Variants in SCUBE1 observed in about 807,000 individuals in gnomAD.
SCUBE1 encodes the protein signal peptide, CUB domain and EGF like domain containing 1.
A neutral mutation model predicts 124.4 loss-of-function variants in SCUBE1; 59 were observed. The observed-to-expected ratio is 0.47, with a 90% CI of 0.38 to 0.59. The LOEUF is 0.59. Ranked by LOEUF, SCUBE1 falls within the 20% of genes least tolerant of loss-of-function variation. The pLI is 0.00. For synonymous variants in SCUBE1, 545 were observed against 550.9 expected (o/e 0.99, Z 0.15); for missense variants, 1,150 against 1,371.2 (o/e 0.84, Z 2.55).
rs115678308 is a variant in SCUBE1, at chr22:43,310,217, C to T, written c.349+9720G>A. On this transcript the variant is annotated intron_variant, in intron 3 of 21. Transcript: ENST00000360835. ...CCCAAACTCCTAACAGTTCCTACCA[C>T]ACTTGTCCCCCTTCTGCTTGGACAG... Among the ~76,000 whole-genome samples the T allele has an allele frequency of 4.3e-3, 648 of 152,184 alleles. 3 individuals are homozygous for T. The highest frequency in any genetic ancestry group is 0.015 in the African/African-American group (611 of 41,520).
At position 43,222,778 on chromosome 22, in the gene SCUBE1, C is replaced by T. The variant is rs887581743; in HGVS notation, c.1328-36G>A. The T allele has an allele frequency of 4.7e-6, 7 of 1,485,068 alleles. No individual in the cohort carries two copies. The Admixed American group carries it at 5.6e-5, about 12-fold the overall frequency. The allele number at this position is 1,485,068 out of a possible 1,614,324, so 92.0% of individuals were successfully genotyped here. On this transcript the variant is annotated intron_variant, in intron 11 of 21. Transcript: ENST00000360835. ...GCCGGTGGGTGAGGTGGGCCTGGTG[C>T]TCCTCCCTCCCACGGCCCTCAGATT...
intron 14 of SCUBE1, 28 bp from the exon 15 acceptor site, chr22:43,218,486 A>T: frequency 1.4e-5 from 23 of 1,600,458 alleles, no homozygotes; most frequent in Non-Finnish European, 2.0e-5. Context: ...ACAGAACATG[A>T]ATCGCTGGCA....
rs988015079 is a variant in SCUBE1, at chr22:43,199,263, A to C, written c.*4734T>G. ...GGCACCGGAATAATATTCAACTCCA[A>C]AAATGTAAATTAAGCATCGGTATGG... On this transcript the variant is annotated 3_prime_UTR_variant, in exon 22 of 22. Coordinates refer to ENST00000360835, the MANE Select transcript of SCUBE1 (RefSeq NM_173050.5). The C allele has an allele frequency of 1.1e-5, 2 of 176,232 alleles. No homozygotes were observed. The highest frequency in any genetic ancestry group is 1.5e-4 in the East Asian group (1 of 6,462). 10.9% of individuals were successfully genotyped at this position (176,232 alleles called of 1,614,324 possible).
intron 6 of SCUBE1, among the ~76,000 whole-genome samples, chr22:43,246,040 G>A (rs1409582206): frequency 6.6e-6 from 1 of 152,148 alleles, no homozygotes; most frequent in Non-Finnish European, 1.5e-5. Context: ...GTGGCACCAG[G>A]TGTATGGAAG....
Position 43,220,710 on chromosome 22 carries a change from T to C in SCUBE1, c.1550-123A>G, listed in dbSNP as rs2146667701. On this transcript the variant is annotated intron_variant, in intron 13 of 21. Transcript: ENST00000360835. ...TGGTCCGTGGTGCAGACGGAAAAAC[T>C]CAGGCTAGAGAAGGTCAGGGCTGGC... 3 of 1,296,642 alleles carry C rather than the reference T, an allele frequency of 2.3e-6. No homozygotes were observed. The East Asian group carries it at 7.5e-5, about 32-fold the overall frequency. The allele number at this position is 1,296,642 out of a possible 1,614,324, so 80.3% of individuals were successfully genotyped here. A position where few individuals can be genotyped will look rare whatever the true frequency, so the allele number is the denominator to read the frequency against.
At chr22:43,242,026 G>A (rs567262682) in intron 6 of SCUBE1, among the ~76,000 whole-genome samples, 1 of 152,358 alleles carries the variant, frequency 6.6e-6, no homozygotes, top group East Asian at 1.9e-4. Context: ...CATTTATGCG[G>A]TGCCCACCTC....
At chr22:43,296,593 G>A (rs1401632134) in intron 3 of SCUBE1, among the ~76,000 whole-genome samples, 1 of 152,226 alleles carries the variant, frequency 6.6e-6, no homozygotes. Context: ...GAGAGAGACG[G>A]GGGAGGTAGA....
At position 43,283,445 on chromosome 22, in the gene SCUBE1, G is replaced by A. The variant is rs868770396; in HGVS notation, c.484+7601C>T. On this transcript the variant is annotated intron_variant, in intron 4 of 21. Coordinates refer to ENST00000360835, the MANE Select transcript of SCUBE1 (RefSeq NM_173050.5). ...AATATTAGTATCCATCTGAGGGTTC[G>A]AGGGGTCAAATGAAGCAGTATTAGG... 2.6e-5 allele frequency: 4 copies of A among 152,304 alleles called. No homozygotes were observed. The South Asian group carries it at 6.2e-4, about 24-fold the overall frequency. 9.4% of individuals were successfully genotyped at this position (152,304 alleles called of 1,614,324 possible).
intron 21 of SCUBE1, among the ~76,000 whole-genome samples, chr22:43,206,202 CCACA>C (rs1233029601): frequency 1.4e-5 from 2 of 147,662 alleles, no homozygotes; most frequent in South Asian, 2.2e-4. Context: ...TCACTACACC[CCACA>C]CACACCCACT....
intron 21 of SCUBE1, among the ~76,000 whole-genome samples, chr22:43,205,932 A>G (rs1601791203): frequency 2.0e-5 from 1 of 51,206 alleles, no homozygotes; most frequent in African/African-American, 8.5e-5. Context: ...ACACACCCCT[A>G]TATACACACC....
Position 43,210,274 on chromosome 22 carries a change from C to G in SCUBE1, c.2384-34G>C. On this transcript the variant is annotated intron_variant, in intron 18 of 21. Transcript: ENST00000360835. The surrounding 1 kb of genome is among the most constrained non-coding windows in gnomAD (Gnocchi z 4.5). ...ACAGTGGCCCGAGGGCCTCATCAGGCTCTGCTGGGCAGGGGCCCTGGCCGG... is the reference window on the plus strand; with the variant it reads ...ACAGTGGCCCGAGGGCCTCATCAGGGTCTGCTGGGCAGGGGCCCTGGCCGG... The G allele has an allele frequency of 2.0e-6, 3 of 1,479,756 alleles. No homozygotes were observed. The highest frequency in any genetic ancestry group is 2.7e-5 in the South Asian group (2 of 73,794). The allele number at this position is 1,479,756 out of a possible 1,614,324, so 91.7% of individuals were successfully genotyped here. A position where few individuals can be genotyped will look rare whatever the true frequency, so the allele number is the denominator to read the frequency against.
chr22:43,324,095 C>T (rs951431707), intron 2 of SCUBE1, among the ~76,000 whole-genome samples: 4 of 152,094 alleles, frequency 2.6e-5, no homozygotes, highest in Admixed American at 6.5e-5. Context: ...GATGTCTTCC[C>T]CTAGTTAGAG....
chr22:43,307,542 C>T (rs983952037), intron 3 of SCUBE1, among the ~76,000 whole-genome samples: 12 of 152,180 alleles, frequency 7.9e-5, no homozygotes, highest in African/African-American at 2.4e-4. Flanking sequence ...GCCAATCACA[C>T]GACCGCACTG....
intron 3 of SCUBE1, among the ~76,000 whole-genome samples, chr22:43,309,631 C>G (rs1926100843): frequency 1.3e-5 from 2 of 152,136 alleles, no homozygotes. Flanking sequence ...TGCACCATCT[C>G]CATTTCGATG....
chr22:43,239,811 T>C (rs1175903651), intron 6 of SCUBE1, among the ~76,000 whole-genome samples: 1 of 152,020 alleles, frequency 6.6e-6, no homozygotes, highest in African/African-American at 2.4e-5. Flanking sequence ...TGCTGGGAGG[T>C]GGAAAGCCAA....
At chr22:43,218,101 A>T (rs940011524) in intron 15 of SCUBE1, among the ~76,000 whole-genome samples, 154 bp downstream of exon 15, 2 of 152,156 alleles carry the variant, frequency 1.3e-5, no homozygotes, top group Non-Finnish European at 2.9e-5. Flanking sequence ...AGTGATGACC[A>T]TGAGGGCTGC....
chr22:43,300,285 TC>T (rs58454339), intron 3 of SCUBE1, among the ~76,000 whole-genome samples: 123,462 of 149,340 alleles, frequency 0.83, 51,268 homozygotes, highest in Admixed American at 0.88. Flanking sequence ...CAACACTTGT[TC>T]CTTTCTGGGC....
rs188111252 is a variant in SCUBE1, at chr22:43,206,282, C to T, written c.2814+1252G>A. 1.8e-3 allele frequency among the ~76,000 whole-genome samples: 272 copies of T among 150,896 alleles called. 2 individuals are homozygous for T. Among genetic ancestry groups the T allele is most frequent in the Middle Eastern group, 6.9e-3 (2 of 290 alleles). On this transcript the variant is annotated intron_variant, in intron 21 of 21. Transcript: ENST00000360835. ...TACCCCTACATACACACTATACACACCCACTCAACACACACCCCTACACAC... is the reference window on the plus strand; with the variant it reads ...TACCCCTACATACACACTATACACATCCACTCAACACACACCCCTACACAC...
chr22:43,337,429 G>A (rs138338309), intron 2 of SCUBE1, among the ~76,000 whole-genome samples: 48 of 152,326 alleles, frequency 3.2e-4, no homozygotes, highest in Middle Eastern at 3.4e-3. Flanking sequence ...ACTGGGTCTG[G>A]AAGGCAGAGT....
Sources: gnomAD v4.1 joint callset for allele counts (sites outside exome capture counted in the v4.1 genomes callset) on GRCh38, gnomAD v4.1.1 for gene constraint, Gnocchi (gnomAD v3.1) non-coding constraint, MANE v1.5 for transcripts, NCBI Gene and HGNC (gene_info 2026-07-23, HGNC 2026-07-21) for gene names.